BTBD9: variants seen among roughly 807,000 people sequenced by gnomAD.
BTBD9 encodes the protein BTB domain containing 9.
BTBD9 carries 49 observed loss-of-function variants against 64.3 expected under a neutral mutation model. That is an observed-to-expected ratio of 0.76 (90% CI 0.61 to 0.97). The LOEUF (loss-of-function observed/expected upper bound fraction) is 0.97. Ranked by LOEUF, BTBD9 falls within the 50% of genes least tolerant of loss-of-function variation. The pLI is 0.00. For synonymous variants in BTBD9, 260 were observed against 274.7 expected (o/e 0.95, Z 0.53); for missense variants, 598 against 762.1 (o/e 0.78, Z 2.53).
chr6:38,602,037 A>G (rs1416454226), intron 1 of BTBD9, among the ~76,000 whole-genome samples: 1 of 152,182 alleles, frequency 6.6e-6, no homozygotes, highest in African/African-American at 2.4e-5. Context: ...ATACAAAGAC[A>G]TAAGTTGTTT....
At chr6:38,312,170 A>T (rs1267593516) in intron 7 of BTBD9, among the ~76,000 whole-genome samples, 2 of 151,976 alleles carry the variant, frequency 1.3e-5, no homozygotes, top group East Asian at 3.8e-4. Flanking sequence ...CAACCTGAGC[A>T]CCTTTTCGTA....
intron 9 of BTBD9, among the ~76,000 whole-genome samples, chr6:38,210,828 C>T (rs1190821200): frequency 2.0e-5 from 3 of 152,026 alleles, no homozygotes; most frequent in Non-Finnish European, 4.4e-5. Context: ...GTCTATTATC[C>T]GCCTTCTCCA....
intron 7 of BTBD9, among the ~76,000 whole-genome samples, chr6:38,332,041 G>A (rs1301764963): frequency 3.3e-5 from 5 of 152,138 alleles, no homozygotes; most frequent in South Asian, 2.1e-4. Flanking sequence ...GAGGCAAAAC[G>A]CTTTCAAGTT....
At chr6:38,413,116 TTTCC>T (rs1767513139) in intron 6 of BTBD9, among the ~76,000 whole-genome samples, 1 of 152,114 alleles carries the variant, frequency 6.6e-6, no homozygotes, top group Non-Finnish European at 1.5e-5. Flanking sequence ...CCTTTCCTTC[TTTCC>T]TTCCTTCCTT....
intron 7 of BTBD9, among the ~76,000 whole-genome samples, chr6:38,302,117 T>G (rs1167008308): frequency 6.6e-6 from 1 of 152,170 alleles, no homozygotes; most frequent in Non-Finnish European, 1.5e-5. Flanking sequence ...ATTTAACATT[T>G]CTTTGTAGTG....
At chr6:38,445,585 TTCTA>T (rs897112069) in intron 6 of BTBD9, among the ~76,000 whole-genome samples, 12 of 152,204 alleles carry the variant, frequency 7.9e-5, no homozygotes, top group Non-Finnish European at 1.6e-4. Context: ...ATATGGGAGA[TTCTA>T]TCTGTTTATG....
At chr6:38,447,998 G>C (rs1162318694) in intron 6 of BTBD9, among the ~76,000 whole-genome samples, 1 of 152,162 alleles carries the variant, frequency 6.6e-6, no homozygotes, top group Non-Finnish European at 1.5e-5. Context: ...CTCTCCAAAA[G>C]GCAATTTATG....
chr6:38,298,534 A>C (rs1367539828), intron 7 of BTBD9, among the ~76,000 whole-genome samples: 1 of 152,202 alleles, frequency 6.6e-6, no homozygotes, highest in Non-Finnish European at 1.5e-5. Flanking sequence ...AAGCTATTCT[A>C]AAATACACAA....
At chr6:38,224,035 AAAACCC>A (rs1386447408) in intron 9 of BTBD9, among the ~76,000 whole-genome samples, 9 of 152,126 alleles carry the variant, frequency 5.9e-5, no homozygotes, top group Non-Finnish European at 1.0e-4. Flanking sequence ...CAACATGGTA[AAAACCC>A]ACTTCTACTA....
rs1468657357 is a variant in BTBD9 at position 38,174,814 on chromosome 6, C to T, written c.*171G>A. ...ATAAATTGAGAAGAACAAAGCAGCCCCTTTCTGTCCTTGGGAGAAAACCTG... is the reference window on the plus strand; with the variant it reads ...ATAAATTGAGAAGAACAAAGCAGCCTCTTTCTGTCCTTGGGAGAAAACCTG... On this transcript the variant is annotated 3_prime_UTR_variant, in exon 11 of 11. Transcript: ENST00000481247. 10 of 753,514 alleles carry T rather than the reference C, an allele frequency of 1.3e-5. No individual in the cohort carries two copies. The highest frequency in any genetic ancestry group is 2.2e-5 in the Non-Finnish European group (10 of 461,634). 46.7% of individuals were successfully genotyped at this position (753,514 alleles called of 1,614,324 possible). A position where few individuals can be genotyped will look rare whatever the true frequency, so the allele number is the denominator to read the frequency against.
Position 38,524,491 on chromosome 6 carries a change from A to G in BTBD9, c.1154+53109T>C, listed in dbSNP as rs79268030. On this transcript the variant is annotated intron_variant, in intron 6 of 10. Transcript: ENST00000481247. ...GCAAGAATTAAATCAATGTTTATTT[A>G]ACAAATGAATGAGCTACCTTGACCA... Among the ~76,000 whole-genome samples, 297 of 152,326 alleles carry G rather than the reference A, an allele frequency of 1.9e-3. 6 individuals are homozygous for G. The East Asian group carries it at 0.036, about 19-fold the overall frequency.
At chr6:38,369,586 C>A (rs1166808990) in intron 6 of BTBD9, among the ~76,000 whole-genome samples, 1 of 152,162 alleles carries the variant, frequency 6.6e-6, no homozygotes, top group African/African-American at 2.4e-5. Flanking sequence ...CTCTCGTGAA[C>A]AAAACTTCTC....
At chr6:38,621,992 G>A (rs571111807) in intron 1 of BTBD9, among the ~76,000 whole-genome samples, 1 of 152,274 alleles carries the variant, frequency 6.6e-6, no homozygotes, top group South Asian at 2.1e-4. Context: ...CCCTGGGGTG[G>A]TTAACGACAT....
chr6:38,192,492 G>C (rs1762118337), intron 10 of BTBD9, 27 bp downstream of exon 10: 2 of 1,586,094 alleles, frequency 1.3e-6, no homozygotes, highest in African/African-American at 2.7e-5. Flanking sequence ...AAATCTCATG[G>C]CACCTCTCAT....
At chr6:38,597,845 G>A (rs775091075) in intron 2 of BTBD9, 65 bp downstream of exon 2, 4 of 1,356,298 alleles carry the variant, frequency 2.9e-6, no homozygotes, top group East Asian at 4.6e-5. Flanking sequence ...ATTTTTCATA[G>A]AGCAGAAAAT....
intron 9 of BTBD9, among the ~76,000 whole-genome samples, chr6:38,253,994 T>C (rs757429020): frequency 2.0e-4 from 29 of 147,714 alleles, no homozygotes; most frequent in Middle Eastern, 3.4e-3. Flanking sequence ...TTCCCAGCCA[T>C]AGTAGCATCT....
At chr6:38,430,655 ACC>A (rs1768403987) in intron 6 of BTBD9, among the ~76,000 whole-genome samples, 1 of 151,580 alleles carries the variant, frequency 6.6e-6, no homozygotes, top group Non-Finnish European at 1.5e-5. Context: ...AGCTGGGACT[ACC>A]CTAAGTATTC....
chr6:38,599,431 G>A (rs771170230), intron 1 of BTBD9, among the ~76,000 whole-genome samples: 2 of 152,148 alleles, frequency 1.3e-5, no homozygotes, highest in Admixed American at 6.5e-5. Flanking sequence ...GACTACAGGT[G>A]TACACCATCA....
In BTBD9 at chr6:38,415,230, G is replaced by T. The variant is rs573961498; in HGVS notation, c.1155-70137C>A. On this transcript the variant is annotated intron_variant, in intron 6 of 10. Transcript: ENST00000481247. The stretch of plus-strand genomic sequence containing the variant: ...TATGGCAAAGAGAATTAAAGTTGCA[G>T]ATGGAATTAAAGTTGCTAATCAGCT... 8.7e-4 allele frequency among the ~76,000 whole-genome samples: 133 copies of T among 152,260 alleles called. 1 individual carries two copies. The highest frequency in any genetic ancestry group is 3.4e-3 in the Middle Eastern group (1 of 294).
Sources: gnomAD v4.1 joint callset for allele counts (sites outside exome capture counted in the v4.1 genomes callset) on GRCh38, gnomAD v4.1.1 for gene constraint, MANE v1.5 for transcripts, NCBI Gene and HGNC (gene_info 2026-07-23, HGNC 2026-07-21) for gene names.